MOXD1: variants seen among roughly 807,000 people sequenced by gnomAD.
The protein encoded by MOXD1 is monooxygenase DBH like 1, also known as DBH-like monooxygenase protein 1.
A neutral mutation model predicts 66.6 loss-of-function variants in MOXD1; 62 were observed. That is an observed-to-expected ratio of 0.93 (90% CI 0.76 to 1.15). The LOEUF is 1.15. MOXD1 is among the 50% of genes most tolerant of loss of function. The pLI is 0.00. For synonymous variants in MOXD1, 303 were observed against 281.9 expected, an observed-to-expected ratio of 1.07 and a Z score of -0.75; for missense variants, 847 against 754.6, an observed-to-expected ratio of 1.12 and a Z score of -1.44.
At chr6:132,311,924 A>G (rs1212055421) in intron 10 of MOXD1, among the ~76,000 whole-genome samples, 2 of 152,144 alleles carry the variant, frequency 1.3e-5, no homozygotes, top group South Asian at 4.1e-4. Context: ...TAGGAAAAAC[A>G]TAAAGTGATT....
At chr6:132,372,566 C>A in intron 4 of MOXD1, 42 bp downstream of exon 4, 1 of 1,462,578 alleles carries the variant, frequency 6.8e-7, no homozygotes, top group South Asian at 1.2e-5. Flanking sequence ...TTTATTTTTC[C>A]ACTCATGAAA....
intron 10 of MOXD1, among the ~76,000 whole-genome samples, chr6:132,314,388 C>T (rs1774895839): frequency 6.6e-6 from 1 of 152,230 alleles, no homozygotes; most frequent in African/African-American, 2.4e-5. Flanking sequence ...CAGTCTAGCC[C>T]TCCTAGAGTC....
chr6:132,388,209 T>G lies in MOXD1; in HGVS notation c.264+12954A>C, dbSNP rs1323356690. ...TCTTGTATTTATTAAGTGTTTTCAG[T>G]GTGTCACATACTCTCCTAAGAATTT... On this transcript the variant is annotated intron_variant, in intron 1 of 11. Transcript: ENST00000367963. Among the ~76,000 whole-genome samples, 3 of 151,462 alleles carry G rather than the reference T, an allele frequency of 2.0e-5. No homozygotes were observed. In the East Asian group the frequency reaches 5.8e-4, roughly 29 times the overall value.
chr6:132,375,986 C>A (rs1170191502), intron 1 of MOXD1, among the ~76,000 whole-genome samples: 2 of 152,106 alleles, frequency 1.3e-5, no homozygotes, highest in East Asian at 3.8e-4. Context: ...TACATATTTT[C>A]TTTTTTGCAC....
Position 132,401,456 on chromosome 6 carries a change from G to T in MOXD1, c.-30C>A, listed in dbSNP as rs2114707100. ...GGGCGCCTCCTGCCCGCCGGTACCG[G>T]CCTCCAGCCGCTGGGGAGTGAGGAG... On this transcript the variant is annotated 5_prime_UTR_variant, in exon 1 of 12. Transcript: ENST00000367963. 4.1e-6 allele frequency: 6 copies of T among 1,462,334 alleles called. No individual in the cohort carries two copies. Among genetic ancestry groups the T allele is most frequent in the African/African-American group, 1.5e-5 (1 of 68,464 alleles). The allele number at this position is 1,462,334 out of a possible 1,614,324, so 90.6% of individuals were successfully genotyped here. A position where few individuals can be genotyped will look rare whatever the true frequency, so the allele number is the denominator to read the frequency against.
chr6:132,354,909 G>A (rs1162620460), intron 4 of MOXD1, among the ~76,000 whole-genome samples: 1 of 152,064 alleles, frequency 6.6e-6, no homozygotes, highest in Non-Finnish European at 1.5e-5. Context: ...CTTCTGCTGA[G>A]TCATGCAGGT....
chr6:132,331,016 G>A (rs955933807), intron 4 of MOXD1, among the ~76,000 whole-genome samples: 2 of 152,152 alleles, frequency 1.3e-5, no homozygotes, highest in Admixed American at 6.5e-5. Context: ...CTAAAAGGTC[G>A]TGTGGCCTGA....
intron 8 of MOXD1, among the ~76,000 whole-genome samples, chr6:132,322,409 C>T (rs941667592): frequency 4.6e-5 from 7 of 152,122 alleles, no homozygotes; most frequent in Admixed American, 6.5e-5. Flanking sequence ...AATGTTTAGT[C>T]CTCAGAACCT....
At chr6:132,320,969 A>C (rs747580369) in intron 8 of MOXD1, among the ~76,000 whole-genome samples, 1 of 152,146 alleles carries the variant, frequency 6.6e-6, no homozygotes, top group Non-Finnish European at 1.5e-5. Context: ...AAAGATAAAA[A>C]TTGTTCTTAT....
Position 132,310,884 on chromosome 6 carries a change from C to T in MOXD1, c.1508+4751G>A, listed in dbSNP as rs1341534094. 2.0e-5 allele frequency among the ~76,000 whole-genome samples: 3 copies of T among 151,770 alleles called. No individual in the cohort carries two copies. In the South Asian group the frequency reaches 6.2e-4, roughly 32 times the overall value. ...GAAGGGAGGGAATATAGAAGATGGG[C>T]CAATAAGTGCAGCAAACCACCATGG... On this transcript the variant is annotated intron_variant, in intron 10 of 11. Coordinates refer to ENST00000367963, the MANE Select transcript of MOXD1 (RefSeq NM_015529.4).
At chr6:132,352,809 G>A (rs893426968) in intron 4 of MOXD1, among the ~76,000 whole-genome samples, 1 of 152,154 alleles carries the variant, frequency 6.6e-6, no homozygotes, top group Non-Finnish European at 1.5e-5. Flanking sequence ...AATTTTGAGA[G>A]CTCCAATGTT....
chr6:132,323,725 C>G (rs183930495), intron 7 of MOXD1, among the ~76,000 whole-genome samples: 1 of 152,254 alleles, frequency 6.6e-6, no homozygotes, highest in African/African-American at 2.4e-5. Flanking sequence ...AACACCCTGC[C>G]AACTACTTCT....
chr6:132,341,099 A>T (rs554560833), intron 4 of MOXD1, among the ~76,000 whole-genome samples: 45 of 152,326 alleles, frequency 3.0e-4, no homozygotes, highest in Admixed American at 2.7e-3. Flanking sequence ...ATTGGTCTGA[A>T]TGTGTCCCCC....
chr6:132,346,009 T>C (rs560160015), intron 4 of MOXD1, among the ~76,000 whole-genome samples: 2 of 152,198 alleles, frequency 1.3e-5, no homozygotes, highest in Admixed American at 1.3e-4. Flanking sequence ...TTGGTCTCCT[T>C]TGAAGTTATA....
chr6:132,322,591 T>G, intron 8 of MOXD1, 88 bp downstream of exon 8: 1 of 1,322,678 alleles, frequency 7.6e-7, no homozygotes, highest in Non-Finnish European at 1.0e-6. Context: ...GAAAAATTCA[T>G]TTCACTAGTA....
At chr6:132,297,493 G>A (rs1006346941) in intron 11 of MOXD1, among the ~76,000 whole-genome samples, 176 bp from the exon 12 acceptor site, 4 of 152,092 alleles carry the variant, frequency 2.6e-5, no homozygotes, top group African/African-American at 9.7e-5. Context: ...AGAAAAGAGG[G>A]CCAGGCACTC....
chr6:132,316,152 A>G (rs1319939920), intron 9 of MOXD1, among the ~76,000 whole-genome samples: 1 of 140,386 alleles, frequency 7.1e-6, no homozygotes, highest in African/African-American at 3.0e-5. Context: ...TCATGTGTAT[A>G]AACATTAGCA....
chr6:132,376,501 CTTTTTTTTTTTTTTTTTT>C (rs1166086289), intron 1 of MOXD1, among the ~76,000 whole-genome samples: 1 of 65,382 alleles, frequency 1.5e-5, no homozygotes, highest in Non-Finnish European at 2.4e-5. Context: ...ACTACAGCTT[CTTTTTTTTTTTTTTTTTT>C]TTTTTTTTTT....
chr6:132,312,305 T>C (rs1015218509), intron 10 of MOXD1, among the ~76,000 whole-genome samples: 2 of 152,162 alleles, frequency 1.3e-5, no homozygotes, highest in Non-Finnish European at 2.9e-5. Flanking sequence ...AAGCACAGAA[T>C]AGAAGAGTTT....
Sources: gnomAD v4.1 joint callset for allele counts (sites outside exome capture counted in the v4.1 genomes callset) on GRCh38, gnomAD v4.1.1 for gene constraint, MANE v1.5 for transcripts, NCBI Gene and HGNC (gene_info 2026-07-23, HGNC 2026-07-21) for gene names.